The following NBAS variants were observed in gnomAD, a reference collection of about 807,000 sequenced individuals.
The protein encoded by NBAS is NBAS subunit of NRZ tethering complex, also known as NAG/BC035112 fusion.
In NBAS, 219 loss-of-function variants were observed where a neutral mutation model predicts 302.5. The observed-to-expected ratio is 0.72, with a 90% CI of 0.65 to 0.81. NBAS has a LOEUF of 0.81. Among genes scored for constraint, NBAS ranks in the 30% least tolerant of loss-of-function variants. NBAS has a pLI of 0.00. For missense variants in NBAS, 2,932 were observed against 2,841.6 expected (o/e 1.03, Z -0.72); for synonymous variants, 1,118 against 1,021.6 (o/e 1.09, Z -1.80).
the NBAS span, among the ~76,000 whole-genome samples, chr2:15,084,356 C>T: frequency 3.6e-4 from 55 of 152,312 alleles, no homozygotes; most frequent in African/African-American, 1.3e-3. Flanking sequence ...AGCCACAGCA[C>T]CTGGCCCAGT....
chr2:14,805,558 G>T, the NBAS span, among the ~76,000 whole-genome samples: 7 of 152,320 alleles, frequency 4.6e-5, no homozygotes, highest in South Asian at 8.3e-4. Context: ...CTTTGTTTCT[G>T]TGTGAAATAT....
chr2:15,141,369 G>C, the NBAS span, among the ~76,000 whole-genome samples: 2 of 152,282 alleles, frequency 1.3e-5, no homozygotes, highest in East Asian at 3.9e-4. Flanking sequence ...CCAGTGAGTT[G>C]GCAATCACAG....
At chr2:15,061,920 G>A in the NBAS span, among the ~76,000 whole-genome samples, 1 of 152,284 alleles carries the variant, frequency 6.6e-6, no homozygotes, top group South Asian at 2.1e-4. Flanking sequence ...TACATGTCAG[G>A]AGAGCAGGGA....
chr2:15,305,691 C>T (rs1046370215), intron 40 of NBAS, among the ~76,000 whole-genome samples: 1 of 152,136 alleles, frequency 6.6e-6, no homozygotes, highest in South Asian at 2.1e-4. Flanking sequence ...AAGTGATCCA[C>T]CTGCCTCGGT....
chr2:14,779,635 C>A, the NBAS span, among the ~76,000 whole-genome samples: 1 of 152,144 alleles, frequency 6.6e-6, no homozygotes, highest in Non-Finnish European at 1.5e-5. Flanking sequence ...ACCTTATCAG[C>A]GCTTCCTGGC....
chr2:15,271,473 G>A (rs1669319384), intron 44 of NBAS, among the ~76,000 whole-genome samples: 1 of 152,120 alleles, frequency 6.6e-6, no homozygotes, highest in South Asian at 2.1e-4. Flanking sequence ...TGGAAAGGCA[G>A]CACGTGCAAG....
intron 7 of NBAS, among the ~76,000 whole-genome samples, chr2:15,537,265 A>G (rs1037852679): frequency 6.6e-6 from 1 of 152,232 alleles, no homozygotes; most frequent in Non-Finnish European, 1.5e-5. Flanking sequence ...TCTTTGTGAC[A>G]GTGCTCCTCA....
chr2:15,175,815 A>G (rs190796041), intron 51 of NBAS, among the ~76,000 whole-genome samples: 1 of 152,374 alleles, frequency 6.6e-6, no homozygotes, highest in East Asian at 1.9e-4. Context: ...CTCTGGCATC[A>G]GCACTTAAGC....
At chr2:15,170,104 T>G (rs1018214641) in intron 51 of NBAS, among the ~76,000 whole-genome samples, 11 of 152,170 alleles carry the variant, frequency 7.2e-5, no homozygotes, top group African/African-American at 2.7e-4. Context: ...ATTCTTTCAG[T>G]TTACTCACTA....
the NBAS span, among the ~76,000 whole-genome samples, chr2:15,034,275 AGAG>A: frequency 1.2e-5 from 1 of 84,244 alleles, no homozygotes; most frequent in South Asian, 3.7e-4. Context: ...AAAGAAAGAA[AGAG>A]AGAAAGAAAG....
In NBAS at chr2:15,550,209, G is replaced by T. The variant is rs76493983; in HGVS notation, c.379+1284C>A. Among the ~76,000 whole-genome samples the T allele has an allele frequency of 6.1e-3, 929 of 152,108 alleles. 10 individuals are homozygous for T. Among genetic ancestry groups the T allele is most frequent in the African/African-American group, 0.02 (845 of 41,510 alleles). ...ACAGCATTTCCATGAGGGAGTGGGG[G>T]AATCTTCTGTATTACCACATTGTAG... On this transcript the variant is annotated intron_variant, in intron 6 of 51. Coordinates refer to ENST00000281513, the MANE Select transcript of NBAS (RefSeq NM_015909.4).
At chr2:15,346,777 T>A (rs943794821) in intron 35 of NBAS, among the ~76,000 whole-genome samples, 1 of 152,064 alleles carries the variant, frequency 6.6e-6, no homozygotes, top group Non-Finnish European at 1.5e-5. Context: ...ACAGACTGGA[T>A]AAAGAAAATG....
intron 44 of NBAS, among the ~76,000 whole-genome samples, chr2:15,254,265 C>T (rs1347156935): frequency 6.6e-6 from 1 of 151,996 alleles, no homozygotes; most frequent in Admixed American, 6.6e-5. Context: ...CAGCAAGCAC[C>T]CATTTCCTAG....
rs1672289574 is a variant in NBAS at position 15,330,655 on chromosome 2, C to T, written c.4290G>A (p.Gln1430=). ...NTTTTTKAVL[Q]AVSDGQWWKK... ...TCCACCACTGCCCATCACTGACGGC[C>T]TGCAGCACCGCTTTGGTGGTGGTTG... Residue 1430 remains glutamine (Q), a synonymous_variant, in exon 36 of 52, where the codon CAG becomes CAA. Coordinates refer to ENST00000281513, the MANE Select transcript of NBAS (RefSeq NM_015909.4). 2 of 1,614,054 alleles carry T rather than the reference C, an allele frequency of 1.2e-6. No individual in the cohort carries two copies. The highest frequency in any genetic ancestry group is 1.7e-6 in the Non-Finnish European group (2 of 1,179,976).
At chr2:15,151,930 C>A in the NBAS span, among the ~76,000 whole-genome samples, 1 of 152,144 alleles carries the variant, frequency 6.6e-6, no homozygotes, top group Non-Finnish European at 1.5e-5. Flanking sequence ...TCACTGCAAC[C>A]TCCGCCTCCT....
At position 15,394,312 on chromosome 2, in the gene NBAS, G is replaced by GTTCCATGTT. The variant is rs1203748657; in HGVS notation, c.3171_3172insAACATGGAA (p.Lys1057_Pro1058insAsnMetGlu). On this transcript the variant is annotated inframe_insertion, in exon 28 of 52. Transcript: ENST00000281513. ...TGAGTGTTTTTAACAAATGAAATTGGTTTCTCGAGTCCATGTTTTTCCAAA... is the reference window on the plus strand; with the variant it reads ...TGAGTGTTTTTAACAAATGAAATTGGTTCCATGTTTTTCTCGAGTCCATGTTTTTCCAAA... The GTTCCATGTT allele has an allele frequency of 6.2e-7, 1 of 1,612,986 alleles. No individual in the cohort carries two copies. Among genetic ancestry groups the GTTCCATGTT allele is most frequent in the Non-Finnish European group, 8.5e-7 (1 of 1,179,370 alleles).
the NBAS span, among the ~76,000 whole-genome samples, chr2:14,888,207 G>A: frequency 4.6e-5 from 7 of 152,070 alleles, no homozygotes; most frequent in Admixed American, 2.6e-4. Context: ...CCCAGCTCAC[G>A]GCAACCTCCG....
chr2:15,511,636 A>G (rs1396340792), intron 9 of NBAS, among the ~76,000 whole-genome samples: 3 of 152,246 alleles, frequency 2.0e-5, no homozygotes, highest in East Asian at 1.9e-4. Flanking sequence ...ATATAAAAAA[A>G]CTGTCTGTAT....
chr2:15,277,078 T>C lies in NBAS; in HGVS notation c.5162A>G (p.Asn1721Ser), dbSNP rs1217178456. ...DSGLSTLEIE[N>S]RAQDLHLFET... ...AAAGAGATGAAGGTCTTGGGCTCTA[T>C]TTTCAATTTCTAGTGTGGACAAACT... Residue 1721 changes from asparagine to serine, a missense_variant, in exon 43 of 52, where the codon AAT (asparagine) becomes AGT (serine). Asn to Ser is a conservative substitution (Grantham distance 46). Coordinates refer to ENST00000281513, the MANE Select transcript of NBAS (RefSeq NM_015909.4). The C allele has an allele frequency of 2.5e-6, 4 of 1,613,798 alleles. No individual in the cohort carries two copies. In the East Asian group the frequency reaches 6.7e-5, roughly 27 times the overall value.
Sources: gnomAD v4.1 joint callset for allele counts (sites outside exome capture counted in the v4.1 genomes callset) on GRCh38, gnomAD v4.1.1 for gene constraint, MANE v1.5 for transcripts, NCBI Gene and HGNC (gene_info 2026-07-23, HGNC 2026-07-21) for gene names.